Variants in KYAT3 observed in about 807,000 individuals in gnomAD.
KYAT3 encodes the protein kynurenine--oxoglutarate transaminase 3.
In KYAT3, 50 loss-of-function variants were observed where a neutral mutation model predicts 59.0. The observed-to-expected ratio is 0.85, with a 90% CI of 0.68 to 1.07. The LOEUF (loss-of-function observed/expected upper bound fraction) is 1.07, where lower values mean the gene tolerates loss of function less well. KYAT3 is among the 50% of genes least tolerant of loss of function. KYAT3 has a pLI of 0.00. For missense variants in KYAT3, 497 were observed against 533.3 expected (o/e 0.93, Z 0.67); for synonymous variants, 148 against 177.0 (o/e 0.84, Z 1.30).
intron 10 of KYAT3, among the ~76,000 whole-genome samples, chr1:88,951,315 A>G (rs1277194710): frequency 1.3e-5 from 2 of 149,118 alleles, no homozygotes; most frequent in African/African-American, 2.5e-5. Flanking sequence ...GCTCACTGCA[A>G]CCTCTGTCTC....
intron 2 of KYAT3, among the ~76,000 whole-genome samples, chr1:88,971,988 T>C (rs1676573689): frequency 6.6e-6 from 1 of 152,222 alleles, no homozygotes; most frequent in Non-Finnish European, 1.5e-5. Context: ...ACAGCATATT[T>C]CTGGTCACAA....
intron 8 of KYAT3, among the ~76,000 whole-genome samples, 176 bp downstream of exon 8, chr1:88,960,991 G>A (rs1676115994): frequency 6.6e-6 from 1 of 152,110 alleles, no homozygotes; most frequent in South Asian, 2.1e-4. Flanking sequence ...TTTGTCCTTT[G>A]AACTATTCAT....
At position 88,962,101 on chromosome 1, in the gene KYAT3, C is replaced by T. The variant is rs753992101; in HGVS notation, c.498G>A (p.Val166=). 3.7e-6 allele frequency: 6 copies of T among 1,614,060 alleles called. No individual in the cohort carries two copies. The highest frequency in any genetic ancestry group is 1.3e-5 in the African/African-American group (1 of 75,042). ...AAACAGGTGTTGCTCCAGCCATTCT[C>T]ACCATGGGCTCATAGCAGTCATAGA... The part of the protein sequence containing the change: ...VPFYDCYEPM[V]RMAGATPVFI... The change falls in exon 6 of 14, where the codon GTG becomes GTA. Residue 166 remains valine (V), a synonymous_variant. Transcript: ENST00000260508.
At chr1:88,921,845 T>C in the KYAT3 span, among the ~76,000 whole-genome samples, 1 of 152,152 alleles carries the variant, frequency 6.6e-6, no homozygotes, top group South Asian at 2.1e-4. Flanking sequence ...AGTCAGCCTT[T>C]TGTTCTATTT....
At chr1:88,964,650 T>G (rs1045055150) in intron 5 of KYAT3, 179 bp downstream of exon 5, 3 of 597,228 alleles carry the variant, frequency 5.0e-6, no homozygotes, top group Middle Eastern at 3.2e-4. Flanking sequence ...GCACAGAAAT[T>G]TACACAGTAA....
chr1:88,938,119 T>C (rs1675105540), intron 13 of KYAT3, among the ~76,000 whole-genome samples: 2 of 152,126 alleles, frequency 1.3e-5, no homozygotes, highest in African/African-American at 4.8e-5. Context: ...CACAAGAAAG[T>C]ATATGGGGGT....
intron 2 of KYAT3, among the ~76,000 whole-genome samples, chr1:88,973,071 G>A (rs1229821621): frequency 6.6e-6 from 1 of 152,174 alleles, no homozygotes; most frequent in East Asian, 1.9e-4. Context: ...TTATAAAAAG[G>A]TGAGATCTGG....
Position 88,949,091 on chromosome 1 carries a change from C to G in KYAT3, c.1141G>C (p.Asp381His). 1 of 1,542,838 alleles carries G rather than the reference C, an allele frequency of 6.5e-7. No homozygotes were observed. Among genetic ancestry groups the G allele is most frequent in the South Asian group, 1.3e-5 (1 of 79,226 alleles). Residue 381 changes from aspartate to histidine, a missense_variant and splice_region_variant, in exon 11 of 14, where the codon GAT (aspartate) becomes CAT (histidine). Physicochemically the swap from Asp to His is moderately conservative, Grantham distance 81 (BLOSUM62 -1). Transcript: ENST00000260508. Reference protein sequence around the residue: ...YFIIADVSLLDPDLSDMKNNE... With the variant: ...YFIIADVSLLHPDLSDMKNNE... ...TGAAATAATAAAAGCCTTTACAAACCTAGCAAAGACACATCAGCGATGATG... is the reference window on the plus strand; with the variant it reads ...TGAAATAATAAAAGCCTTTACAAACGTAGCAAAGACACATCAGCGATGATG...
At chr1:88,927,894 C>T in the KYAT3 span, among the ~76,000 whole-genome samples, 1 of 152,148 alleles carries the variant, frequency 6.6e-6, no homozygotes, top group Non-Finnish European at 1.5e-5. Flanking sequence ...ATAACTGCAG[C>T]CCGAGAGTTT....
chr1:88,954,188 A>C (rs1675809541), intron 9 of KYAT3, among the ~76,000 whole-genome samples: 1 of 152,096 alleles, frequency 6.6e-6, no homozygotes, highest in South Asian at 2.1e-4. Context: ...GTGCGCTACC[A>C]CGCCTGGCCG....
chr1:88,968,957 A>G, intron 3 of KYAT3, 143 bp from the exon 4 acceptor site: 2 of 583,758 alleles, frequency 3.4e-6, no homozygotes, highest in Non-Finnish European at 5.7e-6. Flanking sequence ...TCCAACAAAA[A>G]TTTACCAACC....
At chr1:88,927,186 T>G in the KYAT3 span, among the ~76,000 whole-genome samples, 3 of 152,066 alleles carry the variant, frequency 2.0e-5, no homozygotes, top group African/African-American at 7.2e-5. Context: ...GGTGCTGGCA[T>G]CCCTATGTTC....
At chr1:88,951,826 A>G (rs1319079998) in intron 10 of KYAT3, among the ~76,000 whole-genome samples, 1 of 152,188 alleles carries the variant, frequency 6.6e-6, no homozygotes, top group African/African-American at 2.4e-5. Flanking sequence ...AAAACCCAGA[A>G]CTTGTAAATA....
downstream of KYAT3, among the ~76,000 whole-genome samples, chr1:88,932,423 T>C (rs1018939460): frequency 5.3e-5 from 8 of 152,172 alleles, no homozygotes; most frequent in African/African-American, 1.9e-4. Context: ...GATTAGACTA[T>C]TGATAGATAG....
In KYAT3 at chr1:88,968,792, C is replaced by A. The variant is rs1335182781; in HGVS notation, c.181G>T (p.Ala61Ser). ...CCAAGATTCACAACAGAAGGGTCTG[C>A]AGCCAATTTGGTAAATTCAATCCTA... is the stretch of plus-strand genomic sequence containing the variant. ...NVWIEFTKLA[A>S]DPSVVNLGQG... Residue 61 changes from alanine to serine, a missense_variant, in exon 4 of 14, where the codon GCA (alanine) becomes TCA (serine). Coordinates refer to ENST00000260508, the MANE Select transcript of KYAT3 (RefSeq NM_001008661.3). 1 of 1,585,498 alleles carries A rather than the reference C, an allele frequency of 6.3e-7. No homozygotes were observed. Among genetic ancestry groups the A allele is most frequent in the Admixed American group, 2.0e-5 (1 of 50,692 alleles).
intron 10 of KYAT3, 102 bp from the exon 11 acceptor site, chr1:88,949,379 G>A: frequency 1.3e-6 from 1 of 781,118 alleles, no homozygotes; most frequent in Non-Finnish European, 1.9e-6. Context: ...TAAAATTATT[G>A]GCAAAGAAGT....
chr1:88,943,373 C>A lies in KYAT3; in HGVS notation c.1192G>T (p.Val398Leu), dbSNP rs773726387. The change falls in exon 12 of 14, where the codon GTG becomes TTG. Residue 398 changes from valine (V) to leucine (L), a missense_variant. Physicochemically the swap from Val to Leu is conservative, Grantham distance 32. Transcript: ENST00000260508. ...ACCTTATGTTTAGTCATCCATTTCA[C>A]AAACTTATAGTCATAAGGCTCATTA... Reference protein sequence around the residue: ...KNNEPYDYKFVKWMTKHKKLS... With the variant: ...KNNEPYDYKFLKWMTKHKKLS... 1 of 1,580,930 alleles carries A rather than the reference C, an allele frequency of 6.3e-7. No homozygotes were observed. The highest frequency in any genetic ancestry group is 8.6e-7 in the Non-Finnish European group (1 of 1,157,720).
At chr1:88,954,633 G>T (rs75868492) in intron 9 of KYAT3, among the ~76,000 whole-genome samples, 4,937 of 152,122 alleles carry the variant, frequency 0.032, 241 homozygotes, top group African/African-American at 0.11. Context: ...TTTTTCTTAT[G>T]TTTAAAGAAA....
chr1:88,960,852 C>G (rs1423721754), intron 8 of KYAT3, among the ~76,000 whole-genome samples: 1 of 152,206 alleles, frequency 6.6e-6, no homozygotes, highest in Non-Finnish European at 1.5e-5. Context: ...TTTTCAGGCA[C>G]AAGAAAGCTC....
Sources: allele counts gnomAD v4.1 joint callset (sites outside exome capture counted in the v4.1 genomes callset), GRCh38; gene constraint gnomAD v4.1.1; transcripts MANE v1.5; gene names NCBI Gene and HGNC (gene_info 2026-07-23, HGNC 2026-07-21).